The following GRM5 variants were observed in gnomAD, a reference collection of about 807,000 sequenced individuals.
The protein encoded by GRM5 is glutamate metabotropic receptor 5, also known as metabotropic glutamate receptor 5.
In GRM5, 19 loss-of-function variants were observed where a neutral mutation model predicts 83.1. The observed-to-expected ratio is 0.23, with a 90% confidence interval of 0.16 to 0.34. GRM5 has a LOEUF of 0.34. Among genes scored for constraint, GRM5 ranks in the 10% least tolerant of loss-of-function variants. GRM5 has a pLI of 1.00. For missense variants in GRM5, 1,160 were observed against 1,588.3 expected, an observed-to-expected ratio of 0.73 and a Z score of 4.58; for synonymous variants, 675 against 633.6, an observed-to-expected ratio of 1.07 and a Z score of -0.98.
chr11:88,856,563 A>T (rs1160397635), intron 2 of GRM5, among the ~76,000 whole-genome samples: 1 of 152,098 alleles, frequency 6.6e-6, no homozygotes, highest in Non-Finnish European at 1.5e-5. Flanking sequence ...AAGTAGAAAA[A>T]GTACACTCTA....
At chr11:88,617,282 T>C (rs1438667922) in intron 4 of GRM5, among the ~76,000 whole-genome samples, 1 of 152,186 alleles carries the variant, frequency 6.6e-6, no homozygotes, top group Non-Finnish European at 1.5e-5. Context: ...TCCCACTGAA[T>C]ACAGCTAAAA....
At chr11:88,643,048 T>G (rs1486684658) in intron 4 of GRM5, among the ~76,000 whole-genome samples, 1 of 151,202 alleles carries the variant, frequency 6.6e-6, no homozygotes. Context: ...TTAGGTCATT[T>G]TTACATTGTT....
At chr11:89,007,624 C>T (rs1427495501) in intron 2 of GRM5, among the ~76,000 whole-genome samples, 1 of 152,126 alleles carries the variant, frequency 6.6e-6, no homozygotes, top group Admixed American at 6.5e-5. Flanking sequence ...CTTGTTAGGT[C>T]ATACGGGTTT....
intron 2 of GRM5, among the ~76,000 whole-genome samples, chr11:88,982,404 T>A (rs1309156616): frequency 1.3e-5 from 2 of 152,160 alleles, no homozygotes; most frequent in African/African-American, 4.8e-5. Context: ...TATCTATGGA[T>A]CCATGAATCA....
At chr11:88,605,591 G>C (rs910218127) in intron 4 of GRM5, among the ~76,000 whole-genome samples, 4 of 152,122 alleles carry the variant, frequency 2.6e-5, no homozygotes, top group Middle Eastern at 3.4e-3. Context: ...TTATCATCTA[G>C]AGAAAAAAAG....
chr11:88,548,663 C>A (rs1942434294), intron 8 of GRM5, among the ~76,000 whole-genome samples: 1 of 152,144 alleles, frequency 6.6e-6, no homozygotes, highest in South Asian at 2.1e-4. Context: ...TTACAACCTG[C>A]CAGATCTAAA....
intron 3 of GRM5, among the ~76,000 whole-genome samples, chr11:88,778,554 A>C (rs1437686142): frequency 6.6e-6 from 1 of 152,216 alleles, no homozygotes; most frequent in Non-Finnish European, 1.5e-5. Flanking sequence ...TAGGAGATGC[A>C]GACTGGAGCT....
intron 8 of GRM5, among the ~76,000 whole-genome samples, chr11:88,551,216 G>C (rs1413779579): frequency 3.9e-5 from 6 of 152,152 alleles, no homozygotes; most frequent in African/African-American, 1.4e-4. Flanking sequence ...AATGCTCATT[G>C]AAGTTAGTTA....
chr11:88,710,425 G>A (rs1304559235), intron 3 of GRM5, among the ~76,000 whole-genome samples: 2 of 152,104 alleles, frequency 1.3e-5, no homozygotes, highest in Admixed American at 1.3e-4. Flanking sequence ...AGCCCAAGAG[G>A]CATGAATTCA....
intron 3 of GRM5, among the ~76,000 whole-genome samples, chr11:88,723,845 C>T (rs970729401): frequency 6.6e-6 from 1 of 152,012 alleles, no homozygotes; most frequent in African/African-American, 2.4e-5. Context: ...CCAGGATGCC[C>T]TTTTTATTTA....
rs564681124 is a variant in GRM5, at chr11:88,904,845, C to T, written c.662-54690G>A. On this transcript the variant is annotated intron_variant, in intron 2 of 9. Coordinates refer to ENST00000305447, the MANE Select transcript of GRM5 (RefSeq NM_001143831.3). Reference sequence around the variant, plus strand: ...ATTGTAGGGAATACCATTCAATTCACCGCAGAGGTATTTATTGGAAAAATG... The same window carrying T: ...ATTGTAGGGAATACCATTCAATTCATCGCAGAGGTATTTATTGGAAAAATG... Among the ~76,000 whole-genome samples, 6 of 152,166 alleles carry T rather than the reference C, an allele frequency of 3.9e-5. No homozygotes were observed. In the East Asian group the frequency reaches 1.2e-3, roughly 29 times the overall value.
intron 2 of GRM5, among the ~76,000 whole-genome samples, chr11:88,900,410 C>A (rs1945296162): frequency 6.6e-6 from 1 of 152,122 alleles, no homozygotes; most frequent in Non-Finnish European, 1.5e-5. Context: ...AACTGAAACA[C>A]AGCACTGCTT....
At chr11:88,819,371 T>TGAAAAA in intron 3 of GRM5, among the ~76,000 whole-genome samples, 1 of 152,340 alleles carries the variant, frequency 6.6e-6, no homozygotes, top group South Asian at 2.1e-4. Context: ...TGAAGAATAT[T>TGAAAAA]TTTCAGTTGC....
chr11:88,791,589 C>G (rs538851931), intron 3 of GRM5, among the ~76,000 whole-genome samples: 49 of 152,208 alleles, frequency 3.2e-4, no homozygotes, highest in African/African-American at 1.1e-3. Context: ...TGGACAAGGA[C>G]AGCCCTTTTT....
intron 3 of GRM5, among the ~76,000 whole-genome samples, chr11:88,773,072 T>C (rs998110620): frequency 2.0e-5 from 3 of 152,212 alleles, no homozygotes; most frequent in Non-Finnish European, 2.9e-5. Context: ...ACCAACAGTG[T>C]AAAAGCATTC....
chr11:88,801,467 T>A (rs1349793672), intron 3 of GRM5, among the ~76,000 whole-genome samples: 1 of 152,174 alleles, frequency 6.6e-6, no homozygotes, highest in Non-Finnish European at 1.5e-5. Context: ...ATTGTAAATG[T>A]TAAATTCCAT....
rs576492474 is a variant in GRM5 at position 88,870,536 on chromosome 11, C to T, written c.662-20381G>A. ...TACAAAGAAATCATGGTGTTTGGTACCATATTTTGTCTAGGGCTAAGTAAT... is the reference window on the plus strand; with the variant it reads ...TACAAAGAAATCATGGTGTTTGGTATCATATTTTGTCTAGGGCTAAGTAAT... On this transcript the variant is annotated intron_variant, in intron 2 of 9. Coordinates refer to ENST00000305447, the MANE Select transcript of GRM5 (RefSeq NM_001143831.3). 4.6e-5 allele frequency among the ~76,000 whole-genome samples: 7 copies of T among 151,446 alleles called. No individual in the cohort carries two copies. The South Asian group carries it at 1.2e-3, about 27-fold the overall frequency.
chr11:88,845,908 A>G (rs1944297263), intron 3 of GRM5, among the ~76,000 whole-genome samples: 1 of 152,252 alleles, frequency 6.6e-6, no homozygotes, highest in African/African-American at 2.4e-5. Context: ...ATAAAGAATA[A>G]TATCTACCTC....
intron 1 of GRM5, among the ~76,000 whole-genome samples, chr11:89,059,908 T>C (rs577088125): frequency 2.0e-5 from 3 of 152,268 alleles, no homozygotes; most frequent in Admixed American, 6.5e-5. Context: ...AATTTATTCA[T>C]CATATTCACT....
Sources: gnomAD v4.1 joint callset for allele counts (sites outside exome capture counted in the v4.1 genomes callset) on GRCh38, gnomAD v4.1.1 for gene constraint, MANE v1.5 for transcripts, NCBI Gene and HGNC (gene_info 2026-07-23, HGNC 2026-07-21) for gene names.